PRKN: variants seen among roughly 807,000 people sequenced by gnomAD.
PRKN encodes the protein E3 ubiquitin-protein ligase parkin.
In PRKN, 56 loss-of-function variants were observed where a neutral mutation model predicts 59.5. That is an observed-to-expected ratio of 0.94 (90% confidence interval 0.76 to 1.18). The LOEUF (loss-of-function observed/expected upper bound fraction) is 1.18. Among genes scored for constraint, PRKN ranks in the 50% most tolerant of loss-of-function variants. The probability of loss-of-function intolerance (pLI) is 0.00; values close to 1 mark genes in which losing one functional copy is unlikely to be tolerated. For synonymous variants in PRKN, 250 were observed against 222.1 expected, an observed-to-expected ratio of 1.13 and a Z score of -1.12; for missense variants, 657 against 596.4, an observed-to-expected ratio of 1.10 and a Z score of -1.06.
At chr6:162,501,504 C>T (rs547458318) in intron 1 of PRKN, among the ~76,000 whole-genome samples, 8 of 145,624 alleles carry the variant, frequency 5.5e-5, no homozygotes, top group East Asian at 4.1e-4. Context: ...TGTGCCACCA[C>T]GCCTGGTTAA....
chr6:161,708,152 A>G (rs1187726600), intron 7 of PRKN, among the ~76,000 whole-genome samples: 1 of 152,108 alleles, frequency 6.6e-6, no homozygotes, highest in Admixed American at 6.6e-5. Context: ...ATTAGTGAAT[A>G]CTAAGTTTAG....
At chr6:161,996,565 C>T (rs1297721185) in intron 5 of PRKN, among the ~76,000 whole-genome samples, 1 of 152,104 alleles carries the variant, frequency 6.6e-6, no homozygotes, top group Non-Finnish European at 1.5e-5. Context: ...TTTTTAGCTC[C>T]TCTTAATCAA....
rs1462309834 is a variant in PRKN, at chr6:162,643,226, C to T, written c.7+84436G>A. On this transcript the variant is annotated intron_variant, in intron 1 of 11. Transcript: ENST00000366898. Reference sequence around the variant, plus strand: ...TAGCCTGGGCAACATGGTGAAACCCCGTCTCTACTAAAAATATAAAAATTA... The same window carrying T: ...TAGCCTGGGCAACATGGTGAAACCCTGTCTCTACTAAAAATATAAAAATTA... Among the ~76,000 whole-genome samples, 4 of 151,564 alleles carry T rather than the reference C, an allele frequency of 2.6e-5. No homozygotes were observed. In the East Asian group the frequency reaches 5.8e-4, roughly 22 times the overall value.
At chr6:162,363,215 C>A (rs554622546) in intron 2 of PRKN, among the ~76,000 whole-genome samples, 2 of 151,956 alleles carry the variant, frequency 1.3e-5, no homozygotes, top group East Asian at 1.9e-4. Flanking sequence ...GCCCTCCATG[C>A]CCCTGCCCAG....
At chr6:161,801,534 G>A (rs929090202) in intron 6 of PRKN, among the ~76,000 whole-genome samples, 1 of 152,182 alleles carries the variant, frequency 6.6e-6, no homozygotes, top group African/African-American at 2.4e-5. Flanking sequence ...TATAAACATC[G>A]AACAGTGTCA....
At position 161,454,546 on chromosome 6, in the gene PRKN, T is replaced by C. The variant is rs182258109; in HGVS notation, c.1084-67669A>G. On this transcript the variant is annotated intron_variant, in intron 9 of 11. Transcript: ENST00000366898. This position sits in a 1 kb window ranked among gnomAD's most constrained non-coding sequence, Gnocchi z 4.6. ...CTCTCTAACTCAATGATAATGATAG[T>C]CATGGAAGTTTCTTAATATCTGGGG... Among the ~76,000 whole-genome samples the C allele has an allele frequency of 5.2e-3, 791 of 152,286 alleles. 9 individuals carry two copies. Among genetic ancestry groups the C allele is most frequent in the African/African-American group, 0.018 (760 of 41,566 alleles).
intron 6 of PRKN, among the ~76,000 whole-genome samples, chr6:161,911,311 A>C (rs1222585584): frequency 6.6e-6 from 1 of 152,154 alleles, no homozygotes; most frequent in Non-Finnish European, 1.5e-5. Flanking sequence ...GGCTGGTGGA[A>C]TGACTTACAG....
In PRKN at chr6:161,545,482, T is replaced by G. The variant is rs1396842548; in HGVS notation, c.1083+3372A>C. 6.5e-6 allele frequency: 9 copies of G among 1,386,634 alleles called. No homozygotes were observed. The highest frequency in any genetic ancestry group is 2.3e-5 in the East Asian group (1 of 43,794). 85.9% of individuals were successfully genotyped at this position (1,386,634 alleles called of 1,614,324 possible). On this transcript the variant is annotated intron_variant, in intron 9 of 11. Transcript: ENST00000366898. The surrounding 1 kb of genome is among the most constrained non-coding windows in gnomAD (Gnocchi z 4.1). ...AAAGAGATTCACCTTCTTCTAACTT[T>G]TATGTATTTGGCCATGTTCTACTTC...
intron 1 of PRKN, among the ~76,000 whole-genome samples, chr6:162,610,387 G>A (rs974677794): frequency 3.9e-5 from 6 of 152,106 alleles, no homozygotes; most frequent in East Asian, 1.9e-4. Flanking sequence ...AATCTTACTC[G>A]CTAATAAGTT....
At chr6:162,364,329 CT>C (rs1785304965) in intron 2 of PRKN, among the ~76,000 whole-genome samples, 2 of 152,104 alleles carry the variant, frequency 1.3e-5, no homozygotes, top group Admixed American at 1.3e-4. Context: ...TGGACTTTTC[CT>C]TAATTTGAGC....
At chr6:162,625,689 T>C (rs1316440251) in intron 1 of PRKN, among the ~76,000 whole-genome samples, 2 of 151,972 alleles carry the variant, frequency 1.3e-5, no homozygotes, top group Non-Finnish European at 2.9e-5. Context: ...GTGTGTATCA[T>C]GTATATATAT....
intron 7 of PRKN, among the ~76,000 whole-genome samples, chr6:161,709,623 C>T (rs1786657278): frequency 6.6e-6 from 1 of 152,176 alleles, no homozygotes; most frequent in South Asian, 2.1e-4. Context: ...AATAGCAGAT[C>T]ATGAGACTCA....
intron 9 of PRKN, among the ~76,000 whole-genome samples, chr6:161,521,478 C>A (rs1778823656): frequency 6.6e-6 from 1 of 152,154 alleles, no homozygotes; most frequent in Non-Finnish European, 1.5e-5. Flanking sequence ...GGGAAGCTTG[C>A]TTTCTTCTTA....
chr6:161,733,785 T>A (rs188928097), intron 7 of PRKN, among the ~76,000 whole-genome samples: 4,313 of 69,660 alleles, frequency 0.062, 99 homozygotes, highest in East Asian at 0.15. Flanking sequence ...AAAAAAAAAA[T>A]ATATATATAT....
intron 6 of PRKN, among the ~76,000 whole-genome samples, chr6:161,878,013 G>T (rs1010095606): frequency 6.6e-6 from 1 of 152,116 alleles, no homozygotes; most frequent in African/African-American, 2.4e-5. Context: ...ACTTGGAGGT[G>T]TTCTCTTGAA....
intron 5 of PRKN, among the ~76,000 whole-genome samples, chr6:162,039,852 AC>A (rs1217656305): frequency 1.3e-5 from 2 of 152,226 alleles, no homozygotes; most frequent in Non-Finnish European, 1.5e-5. Flanking sequence ...CTTCTGTATA[AC>A]AGCATGATCA....
intron 4 of PRKN, among the ~76,000 whole-genome samples, chr6:162,138,040 G>A (rs1781621982): frequency 6.6e-6 from 1 of 152,048 alleles, no homozygotes; most frequent in South Asian, 2.1e-4. Context: ...AAGTCTCGGT[G>A]AACTGGGGAA....
chr6:161,884,174 A>G (rs1466719846), intron 6 of PRKN, among the ~76,000 whole-genome samples: 2 of 152,184 alleles, frequency 1.3e-5, no homozygotes, highest in African/African-American at 4.8e-5. Context: ...ATATATCACT[A>G]ATGTATTTTA....
intron 2 of PRKN, among the ~76,000 whole-genome samples, chr6:162,412,022 AT>A (rs34662241): frequency 0.26 from 38,473 of 149,166 alleles, 4,899 homozygotes; most frequent in African/African-American, 0.3. Context: ...GCTGAGAGGC[AT>A]TTTTTTTTTT....
Sources: allele counts gnomAD v4.1 joint callset (sites outside exome capture counted in the v4.1 genomes callset), GRCh38; gene constraint gnomAD v4.1.1; non-coding constraint Gnocchi (gnomAD v3.1); transcripts MANE v1.5; gene names NCBI Gene and HGNC (gene_info 2026-07-23, HGNC 2026-07-21).